PLCB1: variants seen among roughly 807,000 people sequenced by gnomAD.
The protein encoded by PLCB1 is phospholipase C beta 1.
PLCB1 carries 46 observed loss-of-function variants against 161.8 expected under a neutral mutation model. That is an observed-to-expected ratio of 0.28 (90% confidence interval 0.22 to 0.36). PLCB1 has a LOEUF of 0.36. PLCB1 is among the 10% of genes least tolerant of loss of function. PLCB1 has a pLI of 1.00. For missense variants in PLCB1, 1,016 were observed against 1,472.5 expected, an observed-to-expected ratio of 0.69 and a Z score of 5.07; for synonymous variants, 517 against 503.7, an observed-to-expected ratio of 1.03 and a Z score of -0.35.
chr20:8,827,031 A>G (rs1277230649), intron 31 of PLCB1, among the ~76,000 whole-genome samples: 1 of 152,184 alleles, frequency 6.6e-6, no homozygotes, highest in Non-Finnish European at 1.5e-5. Context: ...TTGCAAGTTC[A>G]TTATTTCAAG....
intron 18 of PLCB1, among the ~76,000 whole-genome samples, chr20:8,731,117 C>T (rs1204492351): frequency 6.6e-6 from 1 of 151,384 alleles, no homozygotes; most frequent in Non-Finnish European, 1.5e-5. Context: ...AACATTATGC[C>T]TTTTATTAAG....
chr20:8,311,706 C>T (rs1984412306), intron 2 of PLCB1, among the ~76,000 whole-genome samples: 1 of 152,150 alleles, frequency 6.6e-6, no homozygotes, highest in Non-Finnish European at 1.5e-5. Context: ...GATCTTTTGC[C>T]CTTACCAGTA....
At chr20:8,155,869 A>G (rs938425579) in intron 2 of PLCB1, among the ~76,000 whole-genome samples, 3 of 149,868 alleles carry the variant, frequency 2.0e-5, no homozygotes, top group African/African-American at 7.6e-5. Flanking sequence ...ATTATCTGGG[A>G]AAAAAACCAG....
At chr20:8,859,379 T>G (rs1987178293) in intron 31 of PLCB1, among the ~76,000 whole-genome samples, 1 of 152,208 alleles carries the variant, frequency 6.6e-6, no homozygotes, top group Non-Finnish European at 1.5e-5. Context: ...GTGATGTGTA[T>G]GTGGATTACC....
At chr20:8,851,711 G>GT (rs1986891527) in intron 31 of PLCB1, among the ~76,000 whole-genome samples, 1 of 51,246 alleles carries the variant, frequency 2.0e-5, no homozygotes, top group African/African-American at 6.3e-5. Context: ...TTCTTTTTTT[G>GT]GTTTTTTTTT....
chr20:8,824,871 T>C (rs1370289869), intron 31 of PLCB1, among the ~76,000 whole-genome samples: 1 of 152,082 alleles, frequency 6.6e-6, no homozygotes, highest in African/African-American at 2.4e-5. Context: ...GAGGAAAAAT[T>C]AGTAAGCCAA....
intron 2 of PLCB1, among the ~76,000 whole-genome samples, chr20:8,254,046 G>A (rs1411411619): frequency 6.6e-6 from 1 of 151,718 alleles, no homozygotes; most frequent in African/African-American, 2.4e-5. Flanking sequence ...ATTAACTCCG[G>A]GACTTTGCTA....
intron 3 of PLCB1, among the ~76,000 whole-genome samples, chr20:8,388,157 T>C (rs1490971027): frequency 2.0e-5 from 3 of 152,148 alleles, no homozygotes; most frequent in African/African-American, 7.2e-5. Context: ...GACTTCACTT[T>C]GGCACACTTG....
intron 31 of PLCB1, among the ~76,000 whole-genome samples, chr20:8,879,841 A>T (rs1339500009): frequency 6.6e-6 from 1 of 152,132 alleles, no homozygotes; most frequent in East Asian, 1.9e-4. Context: ...CATTCCAGGG[A>T]TCAGAACAAG....
At chr20:8,136,677 T>C (rs532734387) in intron 1 of PLCB1, among the ~76,000 whole-genome samples, 5 of 152,138 alleles carry the variant, frequency 3.3e-5, no homozygotes, top group African/African-American at 1.2e-4. Context: ...ACGTGAATTT[T>C]ATCAAGGTGA....
chr20:8,627,032 A>T (rs1308948553), intron 3 of PLCB1, among the ~76,000 whole-genome samples: 2 of 152,146 alleles, frequency 1.3e-5, no homozygotes, highest in Admixed American at 1.3e-4. Flanking sequence ...TGTTTTAGTG[A>T]TAGCATTTGA....
intron 2 of PLCB1, among the ~76,000 whole-genome samples, chr20:8,283,001 C>T (rs566256832): frequency 3.3e-5 from 5 of 152,168 alleles, no homozygotes; most frequent in African/African-American, 9.6e-5. Flanking sequence ...AACCTGGACT[C>T]CCTCCATATT....
At chr20:8,190,496 A>G (rs1446400737) in intron 2 of PLCB1, among the ~76,000 whole-genome samples, 1 of 152,072 alleles carries the variant, frequency 6.6e-6, no homozygotes, top group African/African-American at 2.4e-5. Context: ...TGATACCCAC[A>G]TGTAGCTCTG....
rs116222794 is a variant in PLCB1 at position 8,793,106 on chromosome 20, C to G, written c.3423+2845C>G. 7.7e-3 allele frequency among the ~76,000 whole-genome samples: 1,165 copies of G among 152,156 alleles called. 14 individuals carry two copies. The highest frequency in any genetic ancestry group is 0.027 in the African/African-American group (1,120 of 41,500). On this transcript the variant is annotated intron_variant, in intron 31 of 31. Transcript: ENST00000338037. ...TGAGGGAAATTAGCAAAAGCAGAAA[C>G]AAAACAAGGAACAACCCAAGGAAAT...
intron 3 of PLCB1, among the ~76,000 whole-genome samples, chr20:8,550,455 T>A (rs778861689): frequency 4.4e-4 from 67 of 152,144 alleles, no homozygotes; most frequent in Non-Finnish European, 8.4e-4. Flanking sequence ...TATAAAGGGC[T>A]TCCCCCTTCC....
At chr20:8,495,388 CTTTTTTTTTTTTTTTT>C (rs869173548) in intron 3 of PLCB1, among the ~76,000 whole-genome samples, 1 of 94,364 alleles carries the variant, frequency 1.1e-5, no homozygotes, top group African/African-American at 4.5e-5. Context: ...ACCTTCCTTT[CTTTTTTTTTTTTTTTT>C]TTTTTTTTTT....
chr20:8,376,860 A>G (rs1164450371), intron 3 of PLCB1, among the ~76,000 whole-genome samples: 1 of 151,950 alleles, frequency 6.6e-6, no homozygotes, highest in Non-Finnish European at 1.5e-5. Flanking sequence ...CCTGGGAGGC[A>G]GAGATTGCAG....
chr20:8,306,510 A>G (rs1419719872), intron 2 of PLCB1: 1 of 152,196 alleles, frequency 6.6e-6, no homozygotes, highest in African/African-American at 2.4e-5. Context: ...CAAGCTCCTT[A>G]ATGTCTGCAA....
chr20:8,336,212 C>G (rs1221178293), intron 2 of PLCB1, among the ~76,000 whole-genome samples: 1 of 152,200 alleles, frequency 6.6e-6, no homozygotes, highest in Non-Finnish European at 1.5e-5. Context: ...AAATTGGTTA[C>G]TAGTGTCAAC....
Sources: allele counts gnomAD v4.1 joint callset (sites outside exome capture counted in the v4.1 genomes callset), GRCh38; gene constraint gnomAD v4.1.1; transcripts MANE v1.5; gene names NCBI Gene and HGNC (gene_info 2026-07-23, HGNC 2026-07-21).